Variants in ADAM8 observed in about 807,000 individuals in gnomAD.
ADAM8 encodes the protein ADAM metallopeptidase domain 8, also known as disintegrin and metalloproteinase domain-containing protein 8.
In ADAM8, 104 loss-of-function variants were observed where a neutral mutation model predicts 102.4. The observed-to-expected ratio is 1.02, with a 90% CI of 0.87 to 1.20. The LOEUF (loss-of-function observed/expected upper bound fraction) is 1.20, where lower values mean the gene tolerates loss of function less well. ADAM8 is among the 50% of genes most tolerant of loss of function. ADAM8 has a pLI of 0.00. For missense variants in ADAM8, 1,132 were observed against 1,159.0 expected, an observed-to-expected ratio of 0.98 and a Z score of 0.34; for synonymous variants, 517 against 485.2, an observed-to-expected ratio of 1.07 and a Z score of -0.86.
intron 2 of ADAM8, among the ~76,000 whole-genome samples, chr10:133,274,579 G>A (rs1162733489): frequency 2.0e-5 from 3 of 151,920 alleles, no homozygotes; most frequent in Non-Finnish European, 2.9e-5. Flanking sequence ...TGGGTAGACA[G>A]GAAGGACACG....
chr10:133,272,664 C>A (rs1314094126), intron 8 of ADAM8, 79 bp from the exon 9 acceptor site: 2 of 1,545,976 alleles, frequency 1.3e-6, no homozygotes, highest in South Asian at 1.2e-5. Context: ...GGAGGATGCA[C>A]CTGTCCCACG....
In ADAM8 at chr10:133,271,277, G is replaced by T; in HGVS notation, c.1297C>A (p.Arg433Ser). The T allele has an allele frequency of 6.2e-7, 1 of 1,610,444 alleles. No individual in the cohort carries two copies. The highest frequency in any genetic ancestry group is 1.1e-5 in the South Asian group (1 of 90,866). Reference protein sequence around the residue: ...DCGPPEDCRNRCCNSTTCQLA... With the variant: ...DCGPPEDCRNSCCNSTTCQLA... ...TGGCAGGTGGTAGAGTTGCAGCAGC[G>T]GTTCCGGCAGTCCTGGGGCGACGGC... is the stretch of plus-strand genomic sequence containing the variant. The change falls in exon 13 of 23, where the codon CGC becomes AGC. Residue 433 changes from arginine to serine, a missense_variant. Physicochemically the swap from Arg to Ser is moderately radical, Grantham distance 110. Transcript: ENST00000445355.
chr10:133,268,878 C>T lies in ADAM8; in HGVS notation c.1949-16G>A, dbSNP rs116223429. On this transcript the variant is annotated splice_polypyrimidine_tract_variant and intron_variant, in intron 18 of 22. Coordinates refer to ENST00000445355, the MANE Select transcript of ADAM8 (RefSeq NM_001109.5). Reference sequence around the variant, plus strand: ...CTCCCGGACGCTGTGGGACACACGGCCCCACATCAGGCAGGCAGGCCGCGA... The same window carrying T: ...CTCCCGGACGCTGTGGGACACACGGTCCCACATCAGGCAGGCAGGCCGCGA... 389 of 1,601,578 alleles carry T rather than the reference C, an allele frequency of 2.4e-4. No homozygotes were observed. In the African/African-American group the frequency reaches 4.7e-3, roughly 20 times the overall value.
Position 133,272,490 on chromosome 10 carries a change from T to C in ADAM8, c.801A>G (p.Thr267=). 6.2e-7 allele frequency: 1 copy of C among 1,611,964 alleles called. No individual in the cohort carries two copies. Among genetic ancestry groups the C allele is most frequent in the South Asian group, 1.1e-5 (1 of 91,040 alleles). The change falls in exon 9 of 23, where the codon ACA becomes ACG. Residue 267 remains threonine (T), a synonymous_variant. Transcript: ENST00000445355. ...RFHVSPDPSV[T]LENLLTWQAR... is the part of the protein sequence containing the mutation. ...CCTGCCAGGTCAGGAGGTTCTCCAG[T>C]GTGACACTGGGGTCGGGGCTGACGT... is the stretch of plus-strand genomic sequence containing the variant.
rs1364278332 is a variant in ADAM8, at chr10:133,263,575, C to G, written c.2397+113G>C. 4.3e-6 allele frequency: 4 copies of G among 939,546 alleles called. No individual in the cohort carries two copies. In the Admixed American group the frequency reaches 1.3e-4, roughly 31 times the overall value. 58.2% of individuals were successfully genotyped at this position (939,546 alleles called of 1,614,324 possible). A position where few individuals can be genotyped will look rare whatever the true frequency, so the allele number is the denominator to read the frequency against. ...TCTTTCAGTCACCCAAGTTTATCCA[C>G]AGATAATCAGAAAAAAACCCCACCC... On this transcript the variant is annotated intron_variant, in intron 22 of 22. Coordinates refer to ENST00000445355, the MANE Select transcript of ADAM8 (RefSeq NM_001109.5).
In ADAM8 at chr10:133,268,782, C is replaced by T. The variant is rs549585550; in HGVS notation, c.2029G>A (p.Val677Ile). Reference protein sequence around the residue: ...VVLVTLAGIIVYRKARSRILS... With the variant: ...VVLVTLAGIIIYRKARSRILS... Reference sequence around the variant, plus strand: ...ATGCGGCTCCGGGCTTTGCGGTAGACGATGATGCCTGCCAGGGTGACCAGC... The same window carrying T: ...ATGCGGCTCCGGGCTTTGCGGTAGATGATGATGCCTGCCAGGGTGACCAGC... The change falls in exon 19 of 23, where the codon GTC becomes ATC. Residue 677 changes from valine (V) to isoleucine (I), a missense_variant. Transcript: ENST00000445355. The T allele has an allele frequency of 3.4e-5, 55 of 1,610,922 alleles. 1 individual carries two copies. Among genetic ancestry groups the T allele is most frequent in the South Asian group, 3.4e-4 (31 of 91,070 alleles).
chr10:133,274,439 GGTGGAGGGTGGAGA>G (rs1846667709), intron 2 of ADAM8, among the ~76,000 whole-genome samples: 1 of 112,396 alleles, frequency 8.9e-6, no homozygotes, highest in Non-Finnish European at 1.9e-5. Context: ...GGGGGTGGAA[GGTGGAGGGTGGAGA>G]GTGGAGGGTG....
intron 6 of ADAM8, 90 bp from the exon 7 acceptor site, chr10:133,273,109 G>C: frequency 6.2e-7 from 1 of 1,601,674 alleles, no homozygotes; most frequent in East Asian, 2.2e-5. Flanking sequence ...TCCAGCCCCT[G>C]TCCAGTGCTG....
intron 1 of ADAM8, among the ~76,000 whole-genome samples, 182 bp downstream of exon 1, chr10:133,276,590 G>A (rs941823420): frequency 6.6e-6 from 1 of 152,200 alleles, no homozygotes; most frequent in Non-Finnish European, 1.5e-5. Flanking sequence ...CGGCCTCCCC[G>A]GCCCGGGGCT....
At position 133,268,825 on chromosome 10, in the gene ADAM8, C is replaced by A. The variant is rs1347107185; in HGVS notation, c.1986G>T (p.Leu662=). ...TGACCAGCACAACTGCCAGGAGCAC[C>A]AGAACCACCACCACGAAGACGGGGA... ...GSLPVFVVVV[L]VLLAVVLVTL... is the part of the protein sequence containing the mutation. The change falls in exon 19 of 23, where the codon CTG becomes CTT. Residue 662 remains leucine (L), a synonymous_variant. Transcript: ENST00000445355. 2.5e-6 allele frequency: 4 copies of A among 1,610,242 alleles called. No homozygotes were observed. The highest frequency in any genetic ancestry group is 3.4e-6 in the Non-Finnish European group (4 of 1,179,900).
At position 133,272,741 on chromosome 10, in the gene ADAM8, C is replaced by CG. The variant is rs1170368497; in HGVS notation, c.705+56_705+57insC. On this transcript the variant is annotated intron_variant, in intron 8 of 22. Coordinates refer to ENST00000445355, the MANE Select transcript of ADAM8 (RefSeq NM_001109.5). ...AGGTGGAATGAACCCTGTGGCAACA[C>CG]CCCCCCCACCTCCCGCCAGGGGCTC... 1.2e-5 allele frequency: 17 copies of CG among 1,387,680 alleles called. No individual in the cohort carries two copies. In the East Asian group the frequency reaches 3.8e-4, roughly 31 times the overall value. 86.0% of individuals were successfully genotyped at this position (1,387,680 alleles called of 1,614,324 possible).
intron 1 of ADAM8, among the ~76,000 whole-genome samples, chr10:133,276,431 G>A (rs999541699): frequency 3.9e-5 from 6 of 152,240 alleles, no homozygotes; most frequent in African/African-American, 1.4e-4. Context: ...TAGTGGGGGT[G>A]GGTAGCCCCA....
chr10:133,267,589 G>A (rs1266164593), intron 20 of ADAM8, among the ~76,000 whole-genome samples, 172 bp from the exon 21 acceptor site: 1 of 152,246 alleles, frequency 6.6e-6, no homozygotes, highest in Non-Finnish European at 1.5e-5. Flanking sequence ...CCCCTCAGCC[G>A]TGTGATCCCG....
intron 18 of ADAM8, 76 bp from the exon 19 acceptor site, chr10:133,268,938 C>T (rs1427184491): frequency 8.4e-6 from 13 of 1,545,196 alleles, no homozygotes; most frequent in South Asian, 4.7e-5. Flanking sequence ...CCCAGAGACA[C>T]GGTCTTTCTC....
Position 133,272,247 on chromosome 10 carries a change from C to A in ADAM8, c.903G>T (p.Val301=), listed in dbSNP as rs1238525705. 1 of 1,544,238 alleles carries A rather than the reference C, an allele frequency of 6.5e-7. No homozygotes were observed. The highest frequency in any genetic ancestry group is 8.8e-7 in the Non-Finnish European group (1 of 1,142,688). The change falls in exon 10 of 23, where the codon GTG becomes GTT. Residue 301 remains valine, a synonymous_variant. Coordinates refer to ENST00000445355, the MANE Select transcript of ADAM8 (RefSeq NM_001109.5). The part of the protein sequence containing the change: ...ITGVDFTGTT[V]GFARVSAMCS... The stretch of plus-strand genomic sequence containing the variant: ...ACATGGCGGACACCCTGGCAAACCC[C>A]ACGGTAGTCCCGGTGAAGTCGACAC...
At chr10:133,268,511 C>G (rs1403135757) in intron 19 of ADAM8, among the ~76,000 whole-genome samples, 3 of 152,216 alleles carry the variant, frequency 2.0e-5, no homozygotes, top group African/African-American at 4.8e-5. Context: ...AACCGGCCAC[C>G]AAAACCATGC....
Position 133,268,846 on chromosome 10 carries a change from G to T in ADAM8, c.1965C>A (p.Pro655=). The T allele has an allele frequency of 6.2e-7, 1 of 1,607,546 alleles. No individual in the cohort carries two copies. The highest frequency in any genetic ancestry group is 2.2e-5 in the East Asian group (1 of 44,858). ...GCACCAGAACCACCACCACGAAGAC[G>T]GGGAGGCTCCCGGACGCTGTGGGAC... is the stretch of plus-strand genomic sequence containing the variant. ...TEVHAASGSL[P]VFVVVVLVLL... The change falls in exon 19 of 23, where the codon CCC becomes CCA. Residue 655 remains proline (P), a synonymous_variant. Coordinates refer to ENST00000445355, the MANE Select transcript of ADAM8 (RefSeq NM_001109.5).
chr10:133,275,557 A>G lies in ADAM8; in HGVS notation c.77T>C (p.Met26Thr). Residue 26 changes from methionine to threonine, a missense_variant, in exon 2 of 23, where the codon ATG becomes ACG. Transcript: ENST00000445355. ...AIAPSRPWAL[M>T]EQYEVVLPWR... ...CGGCAACACGACCTCATACTGCTCC[A>G]TGAGGGCCCAGGGCCGGCTGGGGGC... The G allele has an allele frequency of 6.7e-7, 1 of 1,503,170 alleles. No homozygotes were observed. Among genetic ancestry groups the G allele is most frequent in the East Asian group, 2.7e-5 (1 of 36,446 alleles). 93.1% of individuals were successfully genotyped at this position (1,503,170 alleles called of 1,614,324 possible). A position where few individuals can be genotyped will look rare whatever the true frequency, so the allele number is the denominator to read the frequency against.
At chr10:133,274,091 T>C in intron 3 of ADAM8, 62 bp from the exon 4 acceptor site, 4 of 1,587,952 alleles carry the variant, frequency 2.5e-6, no homozygotes, top group South Asian at 2.3e-5. Flanking sequence ...GCCCAGAGGC[T>C]GGACGCCGGG....
Sources: gnomAD v4.1 joint callset for allele counts (sites outside exome capture counted in the v4.1 genomes callset) on GRCh38, gnomAD v4.1.1 for gene constraint, MANE v1.5 for transcripts, NCBI Gene and HGNC (gene_info 2026-07-23, HGNC 2026-07-21) for gene names.